The following ZNF804B variants were observed in gnomAD, a reference collection of about 807,000 sequenced individuals.
ZNF804B encodes the protein zinc finger 804B.
ZNF804B carries 80 observed loss-of-function variants against 101.4 expected under a neutral mutation model. That is an observed-to-expected ratio of 0.79 (90% CI 0.66 to 0.95). The LOEUF is 0.95. Among genes scored for constraint, ZNF804B ranks in the 40% least tolerant of loss-of-function variants. ZNF804B has a pLI of 0.00. For synonymous variants in ZNF804B, 622 were observed against 558.8 expected, an observed-to-expected ratio of 1.11 and a Z score of -1.59; for missense variants, 1,673 against 1,561.9, an observed-to-expected ratio of 1.07 and a Z score of -1.20.
intron 1 of ZNF804B, among the ~76,000 whole-genome samples, chr7:88,933,045 A>G (rs890424810): frequency 4.3e-4 from 65 of 151,998 alleles, no homozygotes; most frequent in Admixed American, 3.5e-3. Context: ...AAAAATTCCC[A>G]ACAAAATATT....
At chr7:89,044,956 G>A (rs1789080660) in intron 1 of ZNF804B, among the ~76,000 whole-genome samples, 1 of 152,218 alleles carries the variant, frequency 6.6e-6, no homozygotes, top group African/African-American at 2.4e-5. Context: ...GGTCATGTCA[G>A]AGACCTTCAC....
intron 1 of ZNF804B, among the ~76,000 whole-genome samples, chr7:88,918,993 AAATC>A (rs1792678858): frequency 6.6e-6 from 1 of 152,138 alleles, no homozygotes; most frequent in African/African-American, 2.4e-5. Flanking sequence ...TGGGGCATGA[AAATC>A]AAGTTACTTA....
At chr7:89,289,660 T>C (rs1225972787) in intron 2 of ZNF804B, among the ~76,000 whole-genome samples, 1 of 151,682 alleles carries the variant, frequency 6.6e-6, no homozygotes, top group Non-Finnish European at 1.5e-5. Flanking sequence ...AGGGAGCATT[T>C]AGACCAGCCC....
rs565352806 is a variant in ZNF804B, at chr7:88,884,747, CTTT to C, written c.108+124665_108+124667del. 7.0e-3 allele frequency among the ~76,000 whole-genome samples: 1,061 copies of C among 151,810 alleles called. 7 individuals carry two copies. Among genetic ancestry groups the C allele is most frequent in the Non-Finnish European group, 0.01 (704 of 67,782 alleles). Reference sequence around the variant, plus strand: ...TTGTAATTTAACATGTTTTCATGCTCTTTTGTCTTAAAAAAATTAAAGCTTATG... The same window carrying C: ...TTGTAATTTAACATGTTTTCATGCTCTGTCTTAAAAAAATTAAAGCTTATG... On this transcript the variant is annotated intron_variant, in intron 1 of 3. Transcript: ENST00000333190.
At chr7:89,233,042 C>T (rs1789222308) in intron 2 of ZNF804B, among the ~76,000 whole-genome samples, 1 of 152,160 alleles carries the variant, frequency 6.6e-6, no homozygotes, top group Admixed American at 6.5e-5. Flanking sequence ...CTGCCTCAGC[C>T]TCCCGAGTAG....
At chr7:89,123,712 C>CGT (rs146004446) in intron 1 of ZNF804B, among the ~76,000 whole-genome samples, 1 of 46,766 alleles carries the variant, frequency 2.1e-5, no homozygotes, top group Non-Finnish European at 3.7e-5. Flanking sequence ...TACTTAACAG[C>CGT]ATATAAGTAT....
At chr7:89,211,229 G>A (rs1337174992) in intron 1 of ZNF804B, among the ~76,000 whole-genome samples, 5 of 152,070 alleles carry the variant, frequency 3.3e-5, no homozygotes, top group African/African-American at 1.2e-4. Context: ...GTTATTTGTA[G>A]ATTCTGGATA....
At chr7:88,823,437 A>G (rs1479412329) in intron 1 of ZNF804B, among the ~76,000 whole-genome samples, 6 of 152,112 alleles carry the variant, frequency 3.9e-5, no homozygotes, top group Non-Finnish European at 8.8e-5. Context: ...TATACTGACA[A>G]AGGTGTTTGA....
intron 2 of ZNF804B, among the ~76,000 whole-genome samples, chr7:89,268,896 C>T (rs1028840401): frequency 1.3e-5 from 2 of 152,060 alleles, no homozygotes; most frequent in Non-Finnish European, 2.9e-5. Flanking sequence ...AGAGAAGACT[C>T]AGATCAGGCA....
chr7:89,101,360 T>G (rs10280836), intron 1 of ZNF804B, among the ~76,000 whole-genome samples: 122,263 of 151,846 alleles, frequency 0.81, 49,823 homozygotes, highest in African/African-American at 0.92. Context: ...TGACAATATT[T>G]CTATTTTTAT....
chr7:89,174,320 C>T (rs568989843), intron 1 of ZNF804B, among the ~76,000 whole-genome samples: 25 of 152,100 alleles, frequency 1.6e-4, no homozygotes, highest in African/African-American at 6.0e-4. Context: ...TAATTTTTGG[C>T]TCCCACAAAT....
chr7:88,854,527 T>TTCCCTTCCCTTCCCTTCCCTTCCTTCC (rs1554340248), intron 1 of ZNF804B, among the ~76,000 whole-genome samples: 1 of 40,076 alleles, frequency 2.5e-5, no homozygotes, highest in African/African-American at 1.0e-4. Flanking sequence ...CTTTCCTTCC[T>TTCCCTTCCCTTCCCTTCCCTTCCTTCC]TTCCTTCCTT....
Position 89,333,402 on chromosome 7 carries a change from A to T in ZNF804B, c.420A>T (p.Val140=). 1.2e-6 allele frequency: 2 copies of T among 1,612,044 alleles called. No homozygotes were observed. Among genetic ancestry groups the T allele is most frequent in the Non-Finnish European group, 1.7e-6 (2 of 1,179,030 alleles). The part of the protein sequence containing the change: ...GNGPAYKAPR[V]AIEKQLQQGI... ...GACCAGCATACAAAGCCCCCAGGGT[A>T]GCCATAGAAAAGCAACTCCAGCAAG... The change falls in exon 4 of 4, where the codon GTA becomes GTT. Residue 140 remains valine (V), a synonymous_variant. Coordinates refer to ENST00000333190, the MANE Select transcript of ZNF804B (RefSeq NM_181646.5).
In ZNF804B at chr7:89,328,057, T is replaced by C. The variant is rs191679428; in HGVS notation, c.380+583T>C. Among the ~76,000 whole-genome samples, 508 of 152,142 alleles carry C rather than the reference T, an allele frequency of 3.3e-3. 1 individual carries two copies. The highest frequency in any genetic ancestry group is 5.4e-3 in the Non-Finnish European group (365 of 67,952). ...CACTGGATGTTTCAAAGTTGTTACC[T>C]GGAATGCAATTAAATTTGTGGATTG... On this transcript the variant is annotated intron_variant, in intron 3 of 3. Coordinates refer to ENST00000333190, the MANE Select transcript of ZNF804B (RefSeq NM_181646.5).
At chr7:89,201,329 A>T (rs1788630670) in intron 1 of ZNF804B, among the ~76,000 whole-genome samples, 1 of 152,054 alleles carries the variant, frequency 6.6e-6, no homozygotes, top group Non-Finnish European at 1.5e-5. Context: ...ATTCTATAGA[A>T]ATCAATTTTT....
intron 1 of ZNF804B, among the ~76,000 whole-genome samples, chr7:88,906,082 T>A (rs1441766276): frequency 6.6e-6 from 1 of 152,058 alleles, no homozygotes; most frequent in African/African-American, 2.4e-5. Flanking sequence ...TTTGTAGTAG[T>A]CTGAAGATCT....
intron 2 of ZNF804B, among the ~76,000 whole-genome samples, chr7:89,226,106 A>C (rs1789084635): frequency 6.6e-6 from 1 of 152,136 alleles, no homozygotes; most frequent in Admixed American, 6.5e-5. Flanking sequence ...TAAATATGTC[A>C]AGCGTGAAAA....
At chr7:88,817,021 G>A (rs1310806355) in intron 1 of ZNF804B, among the ~76,000 whole-genome samples, 4 of 151,658 alleles carry the variant, frequency 2.6e-5, no homozygotes, top group South Asian at 4.2e-4. Flanking sequence ...AGAAAATGTG[G>A]CACATATACA....
intron 1 of ZNF804B, among the ~76,000 whole-genome samples, chr7:89,012,322 C>T (rs1314463175): frequency 6.6e-6 from 1 of 152,264 alleles, no homozygotes; most frequent in East Asian, 1.9e-4. Flanking sequence ...GAGACATTTT[C>T]CCCATTGTCT....
Sources: allele counts gnomAD v4.1 joint callset (sites outside exome capture counted in the v4.1 genomes callset), GRCh38; gene constraint gnomAD v4.1.1; transcripts MANE v1.5; gene names NCBI Gene and HGNC (gene_info 2026-07-23, HGNC 2026-07-21).